The following RORC variants were observed in gnomAD, a reference collection of about 807,000 sequenced individuals.
RORC encodes the protein RAR related orphan receptor C.
RORC carries 13 observed loss-of-function variants against 64.5 expected under a neutral mutation model. The ratio of observed to expected loss-of-function variants is 0.20; its 90% CI spans 0.13 to 0.32. The LOEUF (loss-of-function observed/expected upper bound fraction) is 0.32, where lower values mean the gene tolerates loss of function less well. RORC is among the 10% of genes least tolerant of loss of function. The pLI is 1.00. For missense variants in RORC, 468 were observed against 669.5 expected, an observed-to-expected ratio of 0.70 and a Z score of 3.32; for synonymous variants, 277 against 259.3, an observed-to-expected ratio of 1.07 and a Z score of -0.65.
intron 9 of RORC, chr1:151,811,749 C>T (rs1651541027): frequency 5.5e-6 from 1 of 182,092 alleles, no homozygotes; most frequent in Admixed American, 6.0e-5. Context: ...ATAGGGGTAA[C>T]AAGAGTTGGA....
At chr1:151,820,137 C>G (rs76678544) in intron 2 of RORC, among the ~76,000 whole-genome samples, 2,134 of 152,288 alleles carry the variant, frequency 0.014, 25 homozygotes, top group Non-Finnish European at 0.022. Flanking sequence ...CTGCTCCCCC[C>G]TCCTTCCCCT....
At chr1:151,823,432 T>C (rs1325028032) in intron 2 of RORC, among the ~76,000 whole-genome samples, 1 of 152,106 alleles carries the variant, frequency 6.6e-6, no homozygotes, top group Non-Finnish European at 1.5e-5. Context: ...AGACACATTA[T>C]CTCCACTTGA....
At position 151,808,369 on chromosome 1, in the gene RORC, G is replaced by C. The variant is rs557263789; in HGVS notation, c.1396-736C>G. On this transcript the variant is annotated intron_variant, in intron 10 of 10. Transcript: ENST00000318247. ...AAACCAGTGAGCAGACGGAGGCAGG[G>C]AGACCTCACTGGAGCAAGGCTGAAA... 2.6e-5 allele frequency among the ~76,000 whole-genome samples: 4 copies of C among 152,354 alleles called. No homozygotes were observed. The East Asian group carries it at 7.7e-4, about 29-fold the overall frequency.
At position 151,826,985 on chromosome 1, in the gene RORC, G is replaced by C. The variant is rs568493860; in HGVS notation, c.70+2444C>G. ...ATACAAAAATTAGCCAGGCATGGTG[G>C]CGAGCACCTGTAGTCCCAGCTACTC... On this transcript the variant is annotated intron_variant, in intron 2 of 10. Transcript: ENST00000318247. 2.4e-3 allele frequency among the ~76,000 whole-genome samples: 373 copies of C among 152,280 alleles called. 2 individuals carry two copies. The highest frequency in any genetic ancestry group is 8.7e-3 in the African/African-American group (363 of 41,554).
chr1:151,814,320 T>C (rs1651659730), intron 6 of RORC: 1 of 437,884 alleles, frequency 2.3e-6, no homozygotes, highest in African/African-American at 2.0e-5. Flanking sequence ...GTCTGCATGG[T>C]AGAGGAGGTA....
chr1:151,830,810 C>G lies in RORC; in HGVS notation c.40+915G>C, dbSNP rs1652382651. 1 of 466,246 alleles carries G rather than the reference C, an allele frequency of 2.1e-6. No individual in the cohort carries two copies. The highest frequency in any genetic ancestry group is 2.0e-5 in the African/African-American group (1 of 48,942). The allele number at this position is 466,246 out of a possible 1,614,324, so 28.9% of individuals were successfully genotyped here. On this transcript the variant is annotated intron_variant, in intron 1 of 10. Transcript: ENST00000318247. This position sits in a 1 kb window ranked among gnomAD's most constrained non-coding sequence, Gnocchi z 4.0. Reference sequence around the variant, plus strand: ...TGGCAAGGCCCCACCCAGCCCCGCCCACCTCCCCTTGCTCCTGCCTGGCCC... The same window carrying G: ...TGGCAAGGCCCCACCCAGCCCCGCCGACCTCCCCTTGCTCCTGCCTGGCCC...
At chr1:151,811,634 G>T in intron 9 of RORC, 200 bp from the exon 10 acceptor site, 1 of 438,566 alleles carries the variant, frequency 2.3e-6, no homozygotes, top group Non-Finnish European at 4.1e-6. Flanking sequence ...ACTGGGAAGA[G>T]ATGAAAGGTA....
rs1651711330 is a variant in RORC, at chr1:151,815,213, C to G, written c.511G>C (p.Ala171Pro). 6.2e-7 allele frequency: 1 copy of G among 1,613,680 alleles called. No individual in the cohort carries two copies. Among genetic ancestry groups the G allele is most frequent in the Non-Finnish European group, 8.5e-7 (1 of 1,179,760 alleles). Reference sequence around the variant, plus strand: ...GCTTTCAGGAGGCCAGGGGGACAGGCAGAAGCCTCAGGCAGGTCAGGCGAG... The same window carrying G: ...GCTTTCAGGAGGCCAGGGGGACAGGGAGAAGCCTCAGGCAGGTCAGGCGAG... Reference protein sequence around the residue: ...GSSPDLPEASACPPGLLKASG... With the variant: ...GSSPDLPEASPCPPGLLKASG... The change falls in exon 5 of 11, where the codon GCC (alanine) becomes CCC (proline). Residue 171 changes from alanine (A) to proline (P), a missense_variant. Ala to Pro is a conservative substitution (Grantham distance 27). Around this residue, in one of 5 missense-constraint regions of RORC, gnomAD observed 241 missense variants for 295.5 expected, o/e 0.82. Transcript: ENST00000318247.
Position 151,806,474 on chromosome 1 carries a change from T to C in RORC, c.*998A>G, listed in dbSNP as rs1651315499. 1 of 152,996 alleles carries C rather than the reference T, an allele frequency of 6.5e-6. No homozygotes were observed. The highest frequency in any genetic ancestry group is 6.5e-5 in the Admixed American group (1 of 15,280). The allele number at this position is 152,996 out of a possible 1,614,324, so 9.5% of individuals were successfully genotyped here. On this transcript the variant is annotated 3_prime_UTR_variant, in exon 11 of 11. Coordinates refer to ENST00000318247, the MANE Select transcript of RORC (RefSeq NM_005060.4). ...CTGCTTCTCTTGGGTCTTCTAGTGG[T>C]AGAAGACAGCTGGAGCTGGGGTGGT...
intron 2 of RORC, among the ~76,000 whole-genome samples, chr1:151,819,146 A>G (rs944194255): frequency 2.6e-5 from 4 of 152,202 alleles, no homozygotes; most frequent in African/African-American, 9.6e-5. Context: ...AATTAAGAGC[A>G]GATTTTAATA....
intron 2 of RORC, among the ~76,000 whole-genome samples, chr1:151,818,273 A>G (rs1352116622): frequency 6.6e-6 from 1 of 152,178 alleles, no homozygotes; most frequent in Non-Finnish European, 1.5e-5. Context: ...GGGTGTGCAT[A>G]TGCAAGAAAA....
intron 4 of RORC, 77 bp downstream of exon 4, chr1:151,816,587 C>T: frequency 6.9e-7 from 1 of 1,446,074 alleles, no homozygotes. Flanking sequence ...CAGGTTAAGC[C>T]TTGTCTAGCT....
At chr1:151,814,770 C>G (rs1651684488) in intron 5 of RORC, 75 bp from the exon 6 acceptor site, 2 of 1,554,596 alleles carry the variant, frequency 1.3e-6, no homozygotes. Context: ...CACTTCTCAG[C>G]CTGGCCTATC....
chr1:151,823,713 T>C (rs982814934), intron 2 of RORC, among the ~76,000 whole-genome samples: 7 of 152,158 alleles, frequency 4.6e-5, no homozygotes, highest in African/African-American at 1.2e-4. Flanking sequence ...TGATCATAGC[T>C]CACTGCAGCC....
Position 151,815,253 on chromosome 1 carries a change from C to T in RORC, c.471G>A (p.Gln157=), listed in dbSNP as rs200282601. The part of the protein sequence containing the change: ...LTYTLGLPDG[Q]LPLGSSPDLP... ...GGTCAGGCGAGGAGCCCAGGGGCAG[C>T]TGCCCGTCTGGGAGCCCCAAGGTGT... The change falls in exon 5 of 11, where the codon CAG becomes CAA. Residue 157 remains glutamine (Q), a synonymous_variant. Coordinates refer to ENST00000318247, the MANE Select transcript of RORC (RefSeq NM_005060.4). 5.6e-6 allele frequency: 9 copies of T among 1,609,820 alleles called. No individual in the cohort carries two copies. The highest frequency in any genetic ancestry group is 7.6e-6 in the Non-Finnish European group (9 of 1,177,176).
At position 151,830,371 on chromosome 1, in the gene RORC, G is replaced by T. The variant is rs972702090; in HGVS notation, c.41-913C>A. Among the ~76,000 whole-genome samples the T allele has an allele frequency of 2.0e-5, 3 of 151,840 alleles. No individual in the cohort carries two copies. Among genetic ancestry groups the T allele is most frequent in the Non-Finnish European group, 4.4e-5 (3 of 67,932 alleles). ...CTTAGCTGGAGCATGGTTGGTGGGT[G>T]GGGGGGTGTCACCCATTCATGCAGT... On this transcript the variant is annotated intron_variant, in intron 1 of 10. Coordinates refer to ENST00000318247, the MANE Select transcript of RORC (RefSeq NM_005060.4). This position sits in a 1 kb window ranked among gnomAD's most constrained non-coding sequence, Gnocchi z 4.0.
In RORC at chr1:151,807,494, G is replaced by A. The variant is rs1420634082; in HGVS notation, c.1535C>T (p.Ser512Leu). The A allele has an allele frequency of 1.2e-6, 2 of 1,614,232 alleles. No individual in the cohort carries two copies. Among genetic ancestry groups the A allele is most frequent in the East Asian group, 4.5e-5 (2 of 44,882 alleles). Residue 512 changes from serine to leucine, a missense_variant, in exon 11 of 11, where the codon TCA (serine) becomes TTA (leucine). Around this residue, in one of 5 missense-constraint regions of RORC, gnomAD observed 93 missense variants for 116.6 expected, o/e 0.80. Transcript: ENST00000318247. This position sits in a 1 kb window ranked among gnomAD's most constrained non-coding sequence, Gnocchi z 5.0. ...YKELFSTETE[S>L]PVGLSK ...AGGTCACTTGGACAGCCCCACAGGT[G>A]ACTCGGTTTCAGTGCTGAAGAGCTC...
At chr1:151,822,998 G>T (rs1652052398) in intron 2 of RORC, among the ~76,000 whole-genome samples, 1 of 152,162 alleles carries the variant, frequency 6.6e-6, no homozygotes, top group African/African-American at 2.4e-5. Flanking sequence ...AGGAGCCCTT[G>T]GTAGGGACCG....
chr1:151,814,501 C>T (rs540635307), intron 6 of RORC, 73 bp downstream of exon 6: 23 of 1,510,088 alleles, frequency 1.5e-5, no homozygotes, highest in African/African-American at 2.7e-5. Flanking sequence ...CCCAGTCGTG[C>T]GCAGGTAGCC....
Sources: gnomAD v4.1 joint callset for allele counts (sites outside exome capture counted in the v4.1 genomes callset) on GRCh38, gnomAD v4.1.1 for gene constraint, gnomAD v4.1.1 regional missense constraint, Gnocchi (gnomAD v3.1) non-coding constraint, MANE v1.5 for transcripts, NCBI Gene and HGNC (gene_info 2026-07-23, HGNC 2026-07-21) for gene names.